The following UHRF2 variants were observed in gnomAD, a reference collection of about 807,000 sequenced individuals.
UHRF2 encodes the protein E3 ubiquitin-protein ligase UHRF2.
UHRF2 carries 23 observed loss-of-function variants against 96.8 expected under a neutral mutation model. The observed-to-expected ratio is 0.24, with a 90% CI of 0.17 to 0.34. The LOEUF is 0.34. Ranked by LOEUF, UHRF2 falls within the 10% of genes least tolerant of loss-of-function variation. UHRF2 has a pLI of 1.00. For synonymous variants in UHRF2, 385 were observed against 332.6 expected (o/e 1.16, Z -1.72); for missense variants, 685 against 981.5 (o/e 0.70, Z 4.04).
intron 9 of UHRF2, among the ~76,000 whole-genome samples, chr9:6,491,507 C>G (rs1398513415): frequency 6.6e-6 from 1 of 152,134 alleles, no homozygotes; most frequent in African/African-American, 2.4e-5. Context: ...TCTAGACAAC[C>G]TTGAATTAAG....
chr9:6,460,456 A>T (rs1822468819), intron 3 of UHRF2, 117 bp from the exon 4 acceptor site: 1 of 822,898 alleles, frequency 1.2e-6, no homozygotes, highest in Non-Finnish European at 1.9e-6. Context: ...GGACACTTCA[A>T]CCTATTTTAC....
At chr9:6,490,240 T>G (rs1824578010) in intron 9 of UHRF2, among the ~76,000 whole-genome samples, 2 of 152,192 alleles carry the variant, frequency 1.3e-5, no homozygotes, top group Admixed American at 6.5e-5. Flanking sequence ...AAATAGTATT[T>G]TATGTGGAGA....
chr9:6,443,578 T>G (rs745459637), intron 3 of UHRF2, among the ~76,000 whole-genome samples: 14 of 152,206 alleles, frequency 9.2e-5, no homozygotes, highest in Non-Finnish European at 1.2e-4. Flanking sequence ...TGTTTATCTC[T>G]CTAGTCAGAA....
intron 9 of UHRF2, among the ~76,000 whole-genome samples, chr9:6,488,851 C>T (rs943358672): frequency 6.7e-6 from 1 of 150,344 alleles, no homozygotes. Flanking sequence ...CTCACTCTGT[C>T]TTCCAGGCTA....
At position 6,500,986 on chromosome 9, in the gene UHRF2, C is replaced by G. The variant is rs1173815243; in HGVS notation, c.2163+277C>G. The stretch of plus-strand genomic sequence containing the variant: ...TCAGAAGAATTTTCAGTTTGTGAAA[C>G]ATCGTCATTTTAATCTAAAAATCAC... On this transcript the variant is annotated intron_variant, in intron 14 of 15. Transcript: ENST00000276893. Among the ~76,000 whole-genome samples the G allele has an allele frequency of 2.0e-5, 3 of 152,194 alleles. No homozygotes were observed. In the South Asian group the frequency reaches 6.2e-4, roughly 31 times the overall value.
intron 2 of UHRF2, among the ~76,000 whole-genome samples, chr9:6,431,056 C>T (rs555808118): frequency 6.6e-6 from 1 of 152,178 alleles, no homozygotes; most frequent in Admixed American, 6.5e-5. Flanking sequence ...ATGGCAGGAT[C>T]TTCTGTGTTC....
At chr9:6,447,933 C>G (rs990972280) in intron 3 of UHRF2, among the ~76,000 whole-genome samples, 9 of 152,144 alleles carry the variant, frequency 5.9e-5, no homozygotes, top group African/African-American at 2.2e-4. Context: ...GAACTAAAAA[C>G]AAGAGGATTG....
intron 2 of UHRF2, among the ~76,000 whole-genome samples, chr9:6,428,415 C>A (rs968546930): frequency 1.3e-5 from 2 of 151,524 alleles, no homozygotes; most frequent in African/African-American, 4.8e-5. Context: ...TCTTTACTAA[C>A]TTTCTTATTA....
At chr9:6,456,165 A>G (rs538373415) in intron 3 of UHRF2, among the ~76,000 whole-genome samples, 7 of 152,276 alleles carry the variant, frequency 4.6e-5, no homozygotes, top group African/African-American at 1.7e-4. Context: ...GAATGTTTCT[A>G]GAGAGCTGGC....
rs1291294080 is a variant in UHRF2 at position 6,493,829 on chromosome 9, C to T, written c.1501C>T (p.Arg501Ter). ...LAGGFADEVD[R>*]GDEFTYTGSG... ...TAAAGAAAATCTTCTCTGACAGGACCGAGGTGATGAGTTCACATACACTGG... is the reference window on the plus strand; with the variant it reads ...TAAAGAAAATCTTCTCTGACAGGACTGAGGTGATGAGTTCACATACACTGG... The change falls in exon 10 of 16, where the codon CGA (arginine) becomes TGA (stop). Residue 501 changes from arginine (R) to a stop codon, truncating the protein, a stop_gained. Transcript: ENST00000276893. LOFTEE classifies it high-confidence loss of function. 1.2e-6 allele frequency: 2 copies of T among 1,610,562 alleles called. No homozygotes were observed. The highest frequency in any genetic ancestry group is 1.7e-6 in the Non-Finnish European group (2 of 1,178,708).
intron 3 of UHRF2, among the ~76,000 whole-genome samples, chr9:6,446,316 A>T (rs897503770): frequency 1.3e-5 from 2 of 151,608 alleles, no homozygotes; most frequent in Non-Finnish European, 1.5e-5. Flanking sequence ...ACACTTGGCT[A>T]ATTTTTAGTA....
intron 4 of UHRF2, among the ~76,000 whole-genome samples, chr9:6,473,323 T>G (rs200510932): frequency 7.0e-4 from 107 of 152,202 alleles, no homozygotes; most frequent in Non-Finnish European, 1.1e-3. Context: ...ATGGAAGTTG[T>G]TAGAGAATGA....
At chr9:6,469,345 C>G (rs536212804) in intron 4 of UHRF2, among the ~76,000 whole-genome samples, 5 of 151,894 alleles carry the variant, frequency 3.3e-5, no homozygotes, top group Non-Finnish European at 7.4e-5. Context: ...TAGTGAAACC[C>G]CGTCTCTACT....
At chr9:6,481,832 A>G in intron 7 of UHRF2, 66 bp downstream of exon 7, 1 of 1,568,268 alleles carries the variant, frequency 6.4e-7, no homozygotes, top group Non-Finnish European at 8.6e-7. Flanking sequence ...TAATACCAAT[A>G]GTAGTAATGG....
intron 4 of UHRF2, among the ~76,000 whole-genome samples, chr9:6,466,790 C>G (rs748508734): frequency 6.6e-6 from 1 of 152,210 alleles, no homozygotes; most frequent in African/African-American, 2.4e-5. Context: ...CAAACATGCT[C>G]CTGCCTTGGG....
At chr9:6,485,938 TATG>T (rs1824266179) in intron 8 of UHRF2, among the ~76,000 whole-genome samples, 2 of 150,642 alleles carry the variant, frequency 1.3e-5, no homozygotes, top group Admixed American at 1.3e-4. Flanking sequence ...GGAATGAAGA[TATG>T]AGGGGAAAAG....
chr9:6,448,304 A>G (rs772500094), intron 3 of UHRF2, among the ~76,000 whole-genome samples: 30 of 152,236 alleles, frequency 2.0e-4, no homozygotes, highest in Admixed American at 2.6e-4. Context: ...TTGTGGAAGG[A>G]AGGAAATGTA....
chr9:6,458,548 G>A (rs6477085), intron 3 of UHRF2, among the ~76,000 whole-genome samples: 4,012 of 151,106 alleles, frequency 0.027, 185 homozygotes, highest in African/African-American at 0.093. Flanking sequence ...TTTTGAATGT[G>A]TTTGCTCTTG....
chr9:6,435,999 A>G (rs1820826591), intron 3 of UHRF2, among the ~76,000 whole-genome samples: 2 of 152,340 alleles, frequency 1.3e-5, no homozygotes, highest in African/African-American at 4.8e-5. Context: ...GTCTTTATCC[A>G]TTTAAAAAAT....
Sources: gnomAD v4.1 joint callset for allele counts (sites outside exome capture counted in the v4.1 genomes callset) on GRCh38, gnomAD v4.1.1 for gene constraint, MANE v1.5 for transcripts, NCBI Gene and HGNC (gene_info 2026-07-23, HGNC 2026-07-21) for gene names.